The following CNTNAP2 variants were observed in gnomAD, a reference collection of about 807,000 sequenced individuals.
CNTNAP2 encodes contactin-associated protein-like 2.
Under a neutral mutation model 155.2 loss-of-function variants are expected in CNTNAP2, and 98 were observed. The observed-to-expected ratio is 0.63, with a 90% CI of 0.54 to 0.75. The LOEUF is 0.75. Among genes scored for constraint, CNTNAP2 ranks in the 30% least tolerant of loss-of-function variants. The pLI is 0.00. For missense variants in CNTNAP2, 1,727 were observed against 1,688.1 expected, an observed-to-expected ratio of 1.02 and a Z score of -0.40; for synonymous variants, 651 against 631.2, an observed-to-expected ratio of 1.03 and a Z score of -0.47.
rs553064730 is a variant in CNTNAP2, at chr7:148,167,127, A to C, written c.2774-5115A>C. Reference sequence around the variant, plus strand: ...GCTTTATAAATTATGAAGAGGGAGGACAAAACTTTTTATTTATTTATTTAT... The same window carrying C: ...GCTTTATAAATTATGAAGAGGGAGGCCAAAACTTTTTATTTATTTATTTAT... On this transcript the variant is annotated intron_variant, in intron 17 of 23. Transcript: ENST00000361727. Among the ~76,000 whole-genome samples, 3 of 152,296 alleles carry C rather than the reference A, an allele frequency of 2.0e-5. No individual in the cohort carries two copies. The South Asian group carries it at 6.2e-4, about 32-fold the overall frequency.
intron 14 of CNTNAP2, among the ~76,000 whole-genome samples, chr7:147,910,476 G>C (rs1800042062): frequency 1.3e-5 from 2 of 152,154 alleles, no homozygotes; most frequent in Non-Finnish European, 2.9e-5. Context: ...CAAACTCGGG[G>C]CAAGCAACTT....
chr7:146,591,210 G>A (rs532585957), intron 1 of CNTNAP2, among the ~76,000 whole-genome samples: 95 of 152,212 alleles, frequency 6.2e-4, no homozygotes, highest in African/African-American at 2.3e-3. Flanking sequence ...GTTTATACTT[G>A]AATTCAATCC....
At chr7:148,119,570 C>A (rs188376167) in intron 16 of CNTNAP2, among the ~76,000 whole-genome samples, 1 of 152,208 alleles carries the variant, frequency 6.6e-6, no homozygotes, top group Admixed American at 6.5e-5. Context: ...AGTCTGTCCC[C>A]TTTAAATGAG....
chr7:148,074,559 G>C (rs1464091731), intron 15 of CNTNAP2, among the ~76,000 whole-genome samples: 11 of 151,992 alleles, frequency 7.2e-5, no homozygotes, highest in Admixed American at 7.2e-4. Context: ...CGTGGTGGCA[G>C]GTGCCTGTAA....
chr7:147,548,404 C>G (rs1296692610), intron 11 of CNTNAP2, among the ~76,000 whole-genome samples: 1 of 152,080 alleles, frequency 6.6e-6, no homozygotes, highest in Admixed American at 6.5e-5. Context: ...TAAATGTCTT[C>G]TTTTGAAAAG....
chr7:146,394,206 C>T (rs367996062), intron 1 of CNTNAP2, among the ~76,000 whole-genome samples: 14 of 152,086 alleles, frequency 9.2e-5, no homozygotes, highest in African/African-American at 2.9e-4. Flanking sequence ...TCTGGATTAC[C>T]TGACTAATCC....
chr7:146,581,231 T>C (rs974474410), intron 1 of CNTNAP2, among the ~76,000 whole-genome samples: 1 of 152,116 alleles, frequency 6.6e-6, no homozygotes, highest in African/African-American at 2.4e-5. Context: ...GTGACTAAAA[T>C]GTATGTTTCC....
At chr7:146,573,199 G>A (rs1356427521) in intron 1 of CNTNAP2, among the ~76,000 whole-genome samples, 1 of 152,128 alleles carries the variant, frequency 6.6e-6, no homozygotes, top group Non-Finnish European at 1.5e-5. Flanking sequence ...CTGGAGTGCA[G>A]TGGCACAATC....
intron 11 of CNTNAP2, among the ~76,000 whole-genome samples, chr7:147,502,909 T>C (rs1798844794): frequency 6.6e-6 from 1 of 152,142 alleles, no homozygotes; most frequent in Admixed American, 6.5e-5. Flanking sequence ...AGGCAAGGAC[T>C]CTATTATACA....
intron 3 of CNTNAP2, among the ~76,000 whole-genome samples, chr7:146,872,309 T>C (rs1795329188): frequency 6.6e-6 from 1 of 151,812 alleles, no homozygotes; most frequent in South Asian, 2.1e-4. Flanking sequence ...GTATTTCAAA[T>C]AGAATTATTT....
intron 2 of CNTNAP2, among the ~76,000 whole-genome samples, chr7:146,803,869 A>G (rs1281727040): frequency 6.6e-6 from 1 of 152,172 alleles, no homozygotes; most frequent in Non-Finnish European, 1.5e-5. Flanking sequence ...AAGCTTTTGA[A>G]TTTCTTCATC....
chr7:146,780,860 G>A (rs537064953), intron 2 of CNTNAP2, among the ~76,000 whole-genome samples: 9 of 152,116 alleles, frequency 5.9e-5, no homozygotes, highest in South Asian at 2.1e-4. Flanking sequence ...ATAACACACC[G>A]TGGCCTTTCA....
intron 10 of CNTNAP2, among the ~76,000 whole-genome samples, chr7:147,469,728 C>A (rs1798183258): frequency 6.6e-6 from 1 of 151,618 alleles, no homozygotes; most frequent in Middle Eastern, 3.2e-3. Context: ...TCGTGTTAGC[C>A]AGGATGATCT....
Position 146,280,564 on chromosome 7 carries a change from T to C in CNTNAP2, c.97+163591T>C, listed in dbSNP as rs781347156. On this transcript the variant is annotated intron_variant, in intron 1 of 23. Coordinates refer to ENST00000361727, the MANE Select transcript of CNTNAP2 (RefSeq NM_014141.6). ...ATTAGGTACTAGTAATGAACCCTCA[T>C]TGGAGAGTCTGAGCCTCAGTGATTC... Among the ~76,000 whole-genome samples, 41 of 152,148 alleles carry C rather than the reference T, an allele frequency of 2.7e-4. 1 individual carries two copies. The highest frequency in any genetic ancestry group is 2.2e-4 in the Non-Finnish European group (15 of 68,018).
rs60047449 is a variant in CNTNAP2, at chr7:147,772,408, A to AT, written c.2099-131157_2099-131156insT. ...GAGTGACACTTTGTCTAAAAAAAAA[A>AT]ATATATATATATAATATATATATTA... On this transcript the variant is annotated intron_variant, in intron 13 of 23. Transcript: ENST00000361727. Among the ~76,000 whole-genome samples, 1,234 of 133,146 alleles carry AT rather than the reference A, an allele frequency of 9.3e-3. 25 individuals carry two copies. The highest frequency in any genetic ancestry group is 0.028 in the African/African-American group (982 of 34,780). 87.3% of individuals were successfully genotyped at this position (133,146 alleles called of 152,430 possible).
At chr7:146,548,065 G>T (rs1798056532) in intron 1 of CNTNAP2, among the ~76,000 whole-genome samples, 2 of 151,530 alleles carry the variant, frequency 1.3e-5, no homozygotes. Context: ...CATCACTCAG[G>T]TATTAAACCT....
chr7:147,235,855 A>G (rs957636802), intron 8 of CNTNAP2, among the ~76,000 whole-genome samples: 1 of 152,240 alleles, frequency 6.6e-6, no homozygotes, highest in Non-Finnish European at 1.5e-5. Context: ...GAGGGACTAC[A>G]TGCACATCTG....
intron 1 of CNTNAP2, among the ~76,000 whole-genome samples, chr7:146,294,020 C>T (rs1222546857): frequency 6.6e-6 from 1 of 152,004 alleles, no homozygotes; most frequent in East Asian, 1.9e-4. Flanking sequence ...TCCGTGACAC[C>T]TTAGATAAGA....
intron 10 of CNTNAP2, among the ~76,000 whole-genome samples, chr7:147,477,921 T>A (rs1798350428): frequency 6.6e-6 from 1 of 152,252 alleles, no homozygotes; most frequent in African/African-American, 2.4e-5. Context: ...ATGTAATAAT[T>A]AATACATTTT....
Sources: allele counts gnomAD v4.1 joint callset (sites outside exome capture counted in the v4.1 genomes callset), GRCh38; gene constraint gnomAD v4.1.1; transcripts MANE v1.5; gene names NCBI Gene and HGNC (gene_info 2026-07-23, HGNC 2026-07-21).